LHFPL3: variants seen among roughly 807,000 people sequenced by gnomAD.
The protein encoded by LHFPL3 is LHFPL tetraspan subfamily member 3 protein.
A neutral mutation model predicts 19.3 loss-of-function variants in LHFPL3; 5 were observed. That is an observed-to-expected ratio of 0.26 (90% CI 0.14 to 0.54). The LOEUF (loss-of-function observed/expected upper bound fraction) is 0.54. Ranked by LOEUF, LHFPL3 falls within the 20% of genes least tolerant of loss-of-function variation. The pLI is 0.94. For synonymous variants in LHFPL3, 133 were observed against 126.2 expected (o/e 1.05, Z -0.36); for missense variants, 249 against 307.4 (o/e 0.81, Z 1.42).
intron 1 of LHFPL3, among the ~76,000 whole-genome samples, chr7:104,619,577 T>G (rs1344320658): frequency 1.3e-5 from 2 of 152,232 alleles, no homozygotes; most frequent in Non-Finnish European, 2.9e-5. Context: ...ACCTATTTAT[T>G]AAATCAATAT....
At chr7:104,376,338 G>A (rs549686342) in intron 1 of LHFPL3, among the ~76,000 whole-genome samples, 14 of 152,150 alleles carry the variant, frequency 9.2e-5, no homozygotes, top group Non-Finnish European at 1.5e-4. Context: ...AAGTAAAAAA[G>A]TATTTTCAGG....
chr7:104,838,735 G>A (rs1449588998), intron 2 of LHFPL3, among the ~76,000 whole-genome samples: 2 of 152,202 alleles, frequency 1.3e-5, no homozygotes, highest in Non-Finnish European at 2.9e-5. Flanking sequence ...TGCTTGAAAT[G>A]TGTCTAGTGA....
chr7:104,436,569 GT>G (rs1380877411), intron 1 of LHFPL3, among the ~76,000 whole-genome samples: 1 of 152,110 alleles, frequency 6.6e-6, no homozygotes, highest in Non-Finnish European at 1.5e-5. Flanking sequence ...TTCTTACTTT[GT>G]GATATAGCAA....
At chr7:104,538,003 G>T (rs757136428) in intron 1 of LHFPL3, among the ~76,000 whole-genome samples, 1 of 152,140 alleles carries the variant, frequency 6.6e-6, no homozygotes, top group Non-Finnish European at 1.5e-5. Context: ...TCTCCTGTGA[G>T]GGATGGTTTC....
At chr7:104,557,218 G>C (rs150595703) in intron 1 of LHFPL3, among the ~76,000 whole-genome samples, 3,588 of 152,112 alleles carry the variant, frequency 0.024, 83 homozygotes, top group Non-Finnish European at 0.039. Flanking sequence ...CACTCTACTG[G>C]TACCAATTTA....
chr7:104,684,932 G>T (rs1792777194), intron 1 of LHFPL3, among the ~76,000 whole-genome samples: 1 of 152,154 alleles, frequency 6.6e-6, no homozygotes. Flanking sequence ...GAGGGAAAAA[G>T]AAAATCATTC....
At chr7:104,631,388 C>T (rs1791639306) in intron 1 of LHFPL3, among the ~76,000 whole-genome samples, 1 of 151,930 alleles carries the variant, frequency 6.6e-6, no homozygotes, top group African/African-American at 2.4e-5. Context: ...CCCGATTGGC[C>T]CTTGAAAGGA....
intron 2 of LHFPL3, among the ~76,000 whole-genome samples, chr7:104,771,814 C>CTT (rs1794556737): frequency 8.2e-6 from 1 of 122,516 alleles, no homozygotes; most frequent in East Asian, 2.8e-4. Context: ...TCTTTTGCCT[C>CTT]TCTTTTTTTT....
intron 1 of LHFPL3, among the ~76,000 whole-genome samples, chr7:104,590,284 A>C (rs2115627816): frequency 6.6e-6 from 1 of 151,844 alleles, no homozygotes; most frequent in Non-Finnish European, 1.5e-5. Flanking sequence ...ACTGCTTTAA[A>C]TGTGTCCCAG....
At chr7:104,511,091 T>A (rs1172254536) in intron 1 of LHFPL3, among the ~76,000 whole-genome samples, 2 of 152,100 alleles carry the variant, frequency 1.3e-5, no homozygotes, top group Non-Finnish European at 2.9e-5. Context: ...GACTAGTATC[T>A]AGAATATATA....
Position 104,812,803 on chromosome 7 carries a change from CAAAAAAAAAA to C in LHFPL3, c.682+75911_682+75920del, listed in dbSNP as rs59809377. Among the ~76,000 whole-genome samples the C allele has an allele frequency of 4.4e-3, 139 of 31,334 alleles. 2 individuals are homozygous for C. Among genetic ancestry groups the C allele is most frequent in the African/African-American group, 0.013 (109 of 8,092 alleles). The allele number at this position is 31,334 out of a possible 152,430, so 20.6% of individuals were successfully genotyped here. A position where few individuals can be genotyped will look rare whatever the true frequency, so the allele number is the denominator to read the frequency against. On this transcript the variant is annotated intron_variant, in intron 2 of 2. Transcript: ENST00000424859. ...TGGGTGACAGAGCAAGACTCCATCT[CAAAAAAAAAA>C]AAAAAAAAAAAAAAAAAAGGCCAGG...
At chr7:104,669,917 C>T (rs1792439243) in intron 1 of LHFPL3, among the ~76,000 whole-genome samples, 1 of 152,104 alleles carries the variant, frequency 6.6e-6, no homozygotes, top group South Asian at 2.1e-4. Context: ...CGCCTGGAAC[C>T]TGGTTGGGCA....
chr7:104,563,986 A>G (rs1440004707), intron 1 of LHFPL3, among the ~76,000 whole-genome samples: 3 of 152,246 alleles, frequency 2.0e-5, no homozygotes, highest in Admixed American at 6.5e-5. Flanking sequence ...AACAATAGTA[A>G]TAGCTACCAT....
At chr7:104,458,361 A>T (rs1792588650) in intron 1 of LHFPL3, among the ~76,000 whole-genome samples, 1 of 152,234 alleles carries the variant, frequency 6.6e-6, no homozygotes, top group Non-Finnish European at 1.5e-5. Context: ...AGCACCATTT[A>T]TTAAATAGGG....
chr7:104,520,115 C>T (rs1396737658), intron 1 of LHFPL3, among the ~76,000 whole-genome samples: 7 of 151,842 alleles, frequency 4.6e-5, no homozygotes, highest in East Asian at 1.9e-4. Flanking sequence ...TTTTGAAATA[C>T]GTCCCATCAA....
chr7:104,400,201 CT>C (rs1338710154), intron 1 of LHFPL3, among the ~76,000 whole-genome samples: 3 of 132,136 alleles, frequency 2.3e-5, no homozygotes, highest in Non-Finnish European at 4.7e-5. Flanking sequence ...AGGTTTATAT[CT>C]TTGAGCATTC....
At chr7:104,678,372 T>G (rs573098394) in intron 1 of LHFPL3, among the ~76,000 whole-genome samples, 1 of 152,328 alleles carries the variant, frequency 6.6e-6, no homozygotes, top group Non-Finnish European at 1.5e-5. Flanking sequence ...TAACTTTATT[T>G]CTGTCTGCAT....
Position 104,896,662 on chromosome 7 carries a change from C to A in LHFPL3, c.683-9525C>A, listed in dbSNP as rs137930225. Among the ~76,000 whole-genome samples the A allele has an allele frequency of 5.4e-3, 825 of 152,264 alleles. 4 individuals carry two copies. The highest frequency in any genetic ancestry group is 9.4e-3 in the Non-Finnish European group (639 of 68,018). On this transcript the variant is annotated intron_variant, in intron 2 of 2. Transcript: ENST00000424859. ...GCAAAGGCCCAGAGGTAGAACACAT[C>A]CAGGGTGCTGGAGTGCAGTCTGAGG...
At chr7:104,439,860 A>G (rs956859305) in intron 1 of LHFPL3, among the ~76,000 whole-genome samples, 1 of 152,200 alleles carries the variant, frequency 6.6e-6, no homozygotes, top group Non-Finnish European at 1.5e-5. Context: ...GACAAGAAAA[A>G]AAGGTAAAAC....
Sources: gnomAD v4.1 joint callset for allele counts (sites outside exome capture counted in the v4.1 genomes callset) on GRCh38, gnomAD v4.1.1 for gene constraint, MANE v1.5 for transcripts, NCBI Gene and HGNC (gene_info 2026-07-23, HGNC 2026-07-21) for gene names.